ACAD9: variants seen among roughly 807,000 people sequenced by gnomAD.
The protein encoded by ACAD9 is acyl-CoA dehydrogenase family member 9, also known as complex I assembly factor ACAD9, mitochondrial.
A neutral mutation model predicts 70.2 loss-of-function variants in ACAD9; 53 were observed. The observed-to-expected ratio is 0.75, with a 90% CI of 0.61 to 0.95. The LOEUF (loss-of-function observed/expected upper bound fraction) is 0.95. Among genes scored for constraint, ACAD9 ranks in the 40% least tolerant of loss-of-function variants. The pLI is 0.00. For synonymous variants in ACAD9, 313 were observed against 312.1 expected (o/e 1.00, Z -0.03); for missense variants, 777 against 802.8 (o/e 0.97, Z 0.39).
At chr3:128,901,427 C>T (rs1403010036) in intron 8 of ACAD9, 78 bp downstream of exon 8, 2 of 1,488,632 alleles carry the variant, frequency 1.3e-6, no homozygotes, top group Non-Finnish European at 1.9e-6. Context: ...TGCCCTATCC[C>T]TGCTCGTAGC....
At position 128,912,541 on chromosome 3, in the gene ACAD9, A is replaced by C. The variant is rs767770568; in HGVS notation, c.1800A>C (p.Lys600Asn). Residue 600 changes from lysine (K) to asparagine (N), a missense_variant, in exon 18 of 18, where the codon AAA (lysine) becomes AAC (asparagine). Transcript: ENST00000308982. ...APENLDEQIKKVSQQILEKRA... is the reference protein window; with the variant it reads ...APENLDEQIKNVSQQILEKRA... Reference sequence around the variant, plus strand: ...AAAACCTAGATGAGCAGATTAAGAAAGTGTCCCAGCAGATCCTTGAGAAGC... The same window carrying C: ...AAAACCTAGATGAGCAGATTAAGAACGTGTCCCAGCAGATCCTTGAGAAGC... The C allele has an allele frequency of 1.2e-6, 2 of 1,614,114 alleles. No individual in the cohort carries two copies. The highest frequency in any genetic ancestry group is 3.3e-5 in the Admixed American group (2 of 60,024).
In ACAD9 at chr3:128,910,755, C is replaced by T. The variant is rs1223407767; in HGVS notation, c.1707C>T (p.Asn569=). The change falls in exon 17 of 18, where the codon AAC becomes AAT. Residue 569 remains asparagine, a synonymous_variant. Transcript: ENST00000308982. The stretch of plus-strand genomic sequence containing the variant: ...GGTTCTGGCAGGTTCTCTTGGCCAA[C>T]ACCTTCTGCGTGGAAGCTTACTTGC... The part of the protein sequence containing the change: ...RNHDHEVLLA[N]TFCVEAYLQN... 6.2e-7 allele frequency: 1 copy of T among 1,614,218 alleles called. No homozygotes were observed. Among genetic ancestry groups the T allele is most frequent in the Non-Finnish European group, 8.5e-7 (1 of 1,180,036 alleles).
At position 128,899,269 on chromosome 3, in the gene ACAD9, C is replaced by T; in HGVS notation, c.634-18C>T. 1.2e-6 allele frequency: 2 copies of T among 1,614,022 alleles called. No individual in the cohort carries two copies. Among genetic ancestry groups the T allele is most frequent in the Non-Finnish European group, 8.5e-7 (1 of 1,179,946 alleles). On this transcript the variant is annotated intron_variant, in intron 6 of 17. Transcript: ENST00000308982. Reference sequence around the variant, plus strand: ...ATAGGGGTTTGGTTTTCTCCAAAGTCCATCTTTCTGTCCTCAGGTCTGGAT... The same window carrying T: ...ATAGGGGTTTGGTTTTCTCCAAAGTTCATCTTTCTGTCCTCAGGTCTGGAT...
chr3:128,893,250 T>G (rs1308877374), intron 2 of ACAD9, among the ~76,000 whole-genome samples: 1 of 152,018 alleles, frequency 6.6e-6, no homozygotes. Flanking sequence ...CTCATGAAGC[T>G]GAGGCAGGAG....
At chr3:128,900,180 C>T (rs1261845213) in intron 7 of ACAD9, among the ~76,000 whole-genome samples, 1 of 152,154 alleles carries the variant, frequency 6.6e-6, no homozygotes, top group Admixed American at 6.5e-5. Context: ...AGTCTACCTG[C>T]CTCAGCCTCC....
intron 9 of ACAD9, among the ~76,000 whole-genome samples, chr3:128,903,210 G>A (rs1310372792): frequency 1.3e-5 from 2 of 152,214 alleles, no homozygotes; most frequent in African/African-American, 4.8e-5. Context: ...GGGAAATGGG[G>A]GTACCCGGGG....
At chr3:128,881,729 T>C (rs1559816815) in intron 1 of ACAD9, among the ~76,000 whole-genome samples, 1 of 152,224 alleles carries the variant, frequency 6.6e-6, no homozygotes, top group Non-Finnish European at 1.5e-5. Flanking sequence ...TGACGCACTT[T>C]CGTCTCTGGT....
chr3:128,897,708 A>C lies in ACAD9; in HGVS notation c.631A>C (p.Lys211Gln). The change falls in exon 6 of 18, where the codon AAG becomes CAG. Residue 211 changes from lysine to glutamine, a missense_variant and splice_region_variant. Lys to Gln is a moderately conservative substitution (Grantham distance 53). Coordinates refer to ENST00000308982, the MANE Select transcript of ACAD9 (RefSeq NM_014049.5). ...DKKHYILNGS[K>Q]VWITNGGLAN... Reference sequence around the variant, plus strand: ...GAAGCACTACATCCTCAATGGCTCCAAGGTAGGGTTCCTTCCCCATGGCCA... The same window carrying C: ...GAAGCACTACATCCTCAATGGCTCCCAGGTAGGGTTCCTTCCCCATGGCCA... The C allele has an allele frequency of 6.2e-7, 1 of 1,613,236 alleles. No individual in the cohort carries two copies. The highest frequency in any genetic ancestry group is 8.5e-7 in the Non-Finnish European group (1 of 1,179,566).
chr3:128,893,596 G>A lies in ACAD9; in HGVS notation c.286G>A (p.Glu96Lys), dbSNP rs1935483135. The A allele has an allele frequency of 6.2e-7, 1 of 1,614,082 alleles. No homozygotes were observed. The highest frequency in any genetic ancestry group is 1.7e-5 in the Admixed American group (1 of 60,002). ...TGACCAGGAAGGGAAAATCCCAGATGAAACTTTGGAGAAATTGAAGAGCCT... is the reference window on the plus strand; with the variant it reads ...TGACCAGGAAGGGAAAATCCCAGATAAAACTTTGGAGAAATTGAAGAGCCT... ...KIDQEGKIPD[E>K]TLEKLKSLGL... The change falls in exon 3 of 18, where the codon GAA (glutamate) becomes AAA (lysine). Residue 96 changes from glutamate to lysine, a missense_variant. Glu to Lys is a moderately conservative substitution (Grantham distance 56). Coordinates refer to ENST00000308982, the MANE Select transcript of ACAD9 (RefSeq NM_014049.5).
chr3:128,908,330 C>A (rs1935966940), intron 13 of ACAD9, 66 bp downstream of exon 13: 8 of 1,580,530 alleles, frequency 5.1e-6, no homozygotes, highest in Non-Finnish European at 6.9e-6. Flanking sequence ...CAGTCCAGGG[C>A]AGTGGGAGGA....
intron 16 of ACAD9, 105 bp from the exon 17 acceptor site, chr3:128,910,636 G>A (rs1177027955): frequency 8.8e-6 from 11 of 1,248,762 alleles, no homozygotes; most frequent in South Asian, 1.2e-5. Context: ...CAGGCCTTGT[G>A]ACCCCTGCCA....
chr3:128,908,754 A>G, intron 13 of ACAD9: 1 of 645,706 alleles, frequency 1.5e-6, no homozygotes, highest in Non-Finnish European at 2.7e-6. Flanking sequence ...GCTGGCTGTG[A>G]CTCCACCCCT....
chr3:128,905,820 AG>A (rs750067159), intron 11 of ACAD9, among the ~76,000 whole-genome samples: 1 of 152,168 alleles, frequency 6.6e-6, no homozygotes, highest in Non-Finnish European at 1.5e-5. Flanking sequence ...GGGGCTTGGC[AG>A]GAACAGGTCA....
intron 3 of ACAD9, among the ~76,000 whole-genome samples, chr3:128,894,781 C>T (rs147724078): frequency 1.3e-5 from 2 of 152,210 alleles, no homozygotes; most frequent in Non-Finnish European, 2.9e-5. Context: ...GCAATCCTCC[C>T]ACCTCAGCCT....
chr3:128,889,542 C>G (rs920967827), intron 2 of ACAD9, among the ~76,000 whole-genome samples: 3 of 152,216 alleles, frequency 2.0e-5, no homozygotes, highest in African/African-American at 7.2e-5. Flanking sequence ...TTTATTTCCC[C>G]CCTGTTTCCA....
intron 7 of ACAD9, among the ~76,000 whole-genome samples, chr3:128,900,541 T>A (rs969020180): frequency 2.0e-4 from 31 of 151,252 alleles, no homozygotes; most frequent in African/African-American, 6.6e-4. Context: ...TTTTTTTTTT[T>A]AAATAGAGAT....
intron 10 of ACAD9, 107 bp downstream of exon 10, chr3:128,904,239 A>G: frequency 6.3e-7 from 1 of 1,577,204 alleles, no homozygotes; most frequent in Non-Finnish European, 8.7e-7. Flanking sequence ...TGGGAAGAAG[A>G]CTAGTTAAGG....
chr3:128,905,619 C>A (rs1322783678), intron 11 of ACAD9, among the ~76,000 whole-genome samples: 1 of 152,222 alleles, frequency 6.6e-6, no homozygotes, highest in African/African-American at 2.4e-5. Context: ...TTTCTAGGTG[C>A]AGTCTGTGTA....
chr3:128,909,758 A>G (rs1344323250), intron 15 of ACAD9: 3 of 609,118 alleles, frequency 4.9e-6, no homozygotes, highest in Non-Finnish European at 8.7e-6. Context: ...GCAGTAGCAC[A>G]GTAAGCACTG....
Sources: gnomAD v4.1 joint callset for allele counts (sites outside exome capture counted in the v4.1 genomes callset) on GRCh38, gnomAD v4.1.1 for gene constraint, MANE v1.5 for transcripts, NCBI Gene and HGNC (gene_info 2026-07-23, HGNC 2026-07-21) for gene names.